Variants in GPHN observed in about 807,000 individuals in gnomAD.
GPHN encodes gephyrin.
Under a neutral mutation model 95.5 loss-of-function variants are expected in GPHN, and 17 were observed. The ratio of observed to expected loss-of-function variants is 0.18; its 90% CI spans 0.12 to 0.27. GPHN has a LOEUF of 0.27. Ranked by LOEUF, GPHN falls within the 10% of genes least tolerant of loss-of-function variation. The probability of loss-of-function intolerance (pLI) is 1.00; values close to 1 mark genes in which losing one functional copy is unlikely to be tolerated. For synonymous variants in GPHN, 320 were observed against 322.5 expected, an observed-to-expected ratio of 0.99 and a Z score of 0.08; for missense variants, 660 against 978.1, an observed-to-expected ratio of 0.67 and a Z score of 4.34.
chr14:67,187,970 G>A, the GPHN span, among the ~76,000 whole-genome samples: 1 of 152,164 alleles, frequency 6.6e-6, no homozygotes, highest in African/African-American at 2.4e-5. Flanking sequence ...TGCAGAGACT[G>A]TTCACCTTTG....
chr14:66,682,586 C>CA (rs940692578), intron 2 of GPHN, among the ~76,000 whole-genome samples: 5 of 151,802 alleles, frequency 3.3e-5, no homozygotes, highest in Non-Finnish European at 7.4e-5. Flanking sequence ...CCCGTCCCTA[C>CA]AAAAAATACA....
chr14:67,310,093 G>C, the GPHN span, among the ~76,000 whole-genome samples: 1 of 150,158 alleles, frequency 6.7e-6, no homozygotes, highest in African/African-American at 2.5e-5. Flanking sequence ...CATATTTCTA[G>C]ATAAAACTAC....
chr14:67,124,277 G>A (rs989298676), intron 17 of GPHN, among the ~76,000 whole-genome samples: 10 of 151,812 alleles, frequency 6.6e-5, no homozygotes, highest in Middle Eastern at 3.4e-3. Flanking sequence ...GTAGTGGTGC[G>A]CACCTGTAAT....
At chr14:67,503,515 A>T in the GPHN span, 2 of 152,340 alleles carry the variant, frequency 1.3e-5, no homozygotes, top group African/African-American at 4.8e-5. Context: ...CCATCCCTGC[A>T]TGCCACCTTC....
At chr14:67,538,702 G>A in the GPHN span, among the ~76,000 whole-genome samples, 1 of 152,124 alleles carries the variant, frequency 6.6e-6, no homozygotes, top group Non-Finnish European at 1.5e-5. Flanking sequence ...CACATGCTGA[G>A]GCAAGCCAAG....
chr14:67,241,530 G>C, the GPHN span: 1 of 152,946 alleles, frequency 6.5e-6, no homozygotes, highest in Non-Finnish European at 1.5e-5. Flanking sequence ...GCCGAGGCGT[G>C]GAGGTAAGAG....
the GPHN span, among the ~76,000 whole-genome samples, chr14:67,688,530 G>A: frequency 6.6e-6 from 1 of 152,112 alleles, no homozygotes; most frequent in Admixed American, 6.5e-5. Flanking sequence ...AGAAGAGCAG[G>A]GGGAAGAGGG....
chr14:67,303,427 C>CAG, the GPHN span: 1 of 952,946 alleles, frequency 1.0e-6, no homozygotes, highest in African/African-American at 1.6e-5. Flanking sequence ...TGGAGGGGTT[C>CAG]TGAAATAGTC....
At chr14:67,308,899 A>G in the GPHN span, among the ~76,000 whole-genome samples, 11 of 152,140 alleles carry the variant, frequency 7.2e-5, no homozygotes, top group Non-Finnish European at 1.3e-4. Flanking sequence ...AATATTTTGG[A>G]ACATTGGATC....
the GPHN span, among the ~76,000 whole-genome samples, chr14:67,504,508 T>G: frequency 6.6e-6 from 1 of 152,170 alleles, no homozygotes; most frequent in African/African-American, 2.4e-5. Flanking sequence ...TTCTAAGCAA[T>G]AATATCCACA....
the GPHN span, chr14:67,397,695 G>A: frequency 6.2e-7 from 1 of 1,613,238 alleles, no homozygotes; most frequent in Non-Finnish European, 8.5e-7. Flanking sequence ...AGGGGCAGGT[G>A]ATGGTGCAGC....
At chr14:67,420,780 T>A in the GPHN span, among the ~76,000 whole-genome samples, 221 of 152,338 alleles carry the variant, frequency 1.5e-3, 1 homozygote, top group African/African-American at 5.0e-3. Flanking sequence ...CCTTTCACAG[T>A]AGGGTGAAGG....
chr14:67,120,136 A>G (rs1397504451), intron 16 of GPHN, among the ~76,000 whole-genome samples: 1 of 151,970 alleles, frequency 6.6e-6, no homozygotes, highest in African/African-American at 2.4e-5. Flanking sequence ...AAAAAAAAAA[A>G]AAAAGAGGTG....
chr14:67,576,002 A>G, the GPHN span: 1 of 1,609,948 alleles, frequency 6.2e-7, no homozygotes, highest in Non-Finnish European at 8.5e-7. This position sits in a 1 kb window ranked among gnomAD's most constrained non-coding sequence, Gnocchi z 4.0. Context: ...CCAAGCATGA[A>G]AAGGTAAGGA....
intron 9 of GPHN, among the ~76,000 whole-genome samples, chr14:66,997,101 C>T (rs1479835969): frequency 6.6e-6 from 1 of 152,088 alleles, no homozygotes; most frequent in Non-Finnish European, 1.5e-5. Context: ...TGCAGTGGCT[C>T]ACACCTGTAA....
At chr14:66,772,553 G>A (rs1389301027) in intron 2 of GPHN, among the ~76,000 whole-genome samples, 1 of 152,172 alleles carries the variant, frequency 6.6e-6, no homozygotes, top group Non-Finnish European at 1.5e-5. Context: ...CAGAGAGATT[G>A]GAAACATCAT....
intron 1 of GPHN, among the ~76,000 whole-genome samples, chr14:66,570,993 T>C (rs2060665088): frequency 6.6e-6 from 1 of 152,202 alleles, no homozygotes. Flanking sequence ...TTTGAGTTCC[T>C]TATATATTCT....
the GPHN span, among the ~76,000 whole-genome samples, chr14:67,594,364 C>A: frequency 2.0e-5 from 3 of 152,050 alleles, no homozygotes; most frequent in African/African-American, 7.2e-5. Flanking sequence ...ATCGAAAGGA[C>A]CCAGCCGAGT....
intron 4 of GPHN, among the ~76,000 whole-genome samples, chr14:66,858,896 G>A (rs2062908880): frequency 6.6e-6 from 1 of 152,134 alleles, no homozygotes; most frequent in African/African-American, 2.4e-5. Flanking sequence ...TGTGGTGGTG[G>A]CCATAAGGTG....
Sources: gnomAD v4.1 joint callset for allele counts (sites outside exome capture counted in the v4.1 genomes callset) on GRCh38, gnomAD v4.1.1 for gene constraint, Gnocchi (gnomAD v3.1) non-coding constraint, MANE v1.5 for transcripts, NCBI Gene and HGNC (gene_info 2026-07-23, HGNC 2026-07-21) for gene names.